Variants in DGKD observed in about 807,000 individuals in gnomAD.
DGKD encodes diacylglycerol kinase delta.
A neutral mutation model predicts 154.4 loss-of-function variants in DGKD; 68 were observed. The observed-to-expected ratio is 0.44, with a 90% confidence interval of 0.36 to 0.54. DGKD has a LOEUF of 0.54. DGKD is among the 20% of genes least tolerant of loss of function. DGKD has a pLI of 0.00. For synonymous variants in DGKD, 693 were observed against 638.0 expected, an observed-to-expected ratio of 1.09 and a Z score of -1.30; for missense variants, 1,343 against 1,593.6, an observed-to-expected ratio of 0.84 and a Z score of 2.68.
At chr2:233,442,042 G>A (rs2062911650) in intron 10 of DGKD, 47 bp downstream of exon 10, 1 of 1,512,286 alleles carries the variant, frequency 6.6e-7, no homozygotes, top group African/African-American at 1.4e-5. Flanking sequence ...AGGGTGCGGA[G>A]GTTAGAGGGA....
chr2:233,390,550 A>T (rs1463525767), intron 3 of DGKD, 67 bp downstream of exon 3: 2 of 1,205,732 alleles, frequency 1.7e-6, no homozygotes, highest in African/African-American at 1.5e-5. Flanking sequence ...TGATCTGAAC[A>T]TGTGTCCAAG....
chr2:233,445,485 T>G lies in DGKD; in HGVS notation c.1195-138T>G. The G allele has an allele frequency of 8.2e-7, 1 of 1,224,654 alleles. No individual in the cohort carries two copies. The highest frequency in any genetic ancestry group is 1.6e-5 in the African/African-American group (1 of 63,840). The allele number at this position is 1,224,654 out of a possible 1,614,324, so 75.9% of individuals were successfully genotyped here. A position where few individuals can be genotyped will look rare whatever the true frequency, so the allele number is the denominator to read the frequency against. On this transcript the variant is annotated intron_variant, in intron 10 of 29. Coordinates refer to ENST00000264057, the MANE Select transcript of DGKD (RefSeq NM_152879.3). The surrounding 1 kb of genome is among the most constrained non-coding windows in gnomAD (Gnocchi z 5.5). ...CCTCCAGTGGGCTCTGCCTGTAATG[T>G]GTAAGCTGCGTGGTTTTAGGTCACG...
At chr2:233,398,297 A>G (rs1252026762) in intron 3 of DGKD, among the ~76,000 whole-genome samples, 2 of 149,584 alleles carry the variant, frequency 1.3e-5, no homozygotes, top group African/African-American at 2.5e-5. Context: ...TGCCGCCACC[A>G]CGCCCGACTA....
intron 16 of DGKD, among the ~76,000 whole-genome samples, chr2:233,450,496 G>A (rs1300166804): frequency 6.6e-6 from 1 of 152,092 alleles, no homozygotes; most frequent in Non-Finnish European, 1.5e-5. Flanking sequence ...GTGAGCGTGG[G>A]CCTTCTTTGT....
chr2:233,356,455 T>A (rs1197747458), intron 1 of DGKD, among the ~76,000 whole-genome samples: 1 of 152,200 alleles, frequency 6.6e-6, no homozygotes, highest in African/African-American at 2.4e-5. Flanking sequence ...TAGGAGTTGC[T>A]TTCTCCTGTT....
In DGKD at chr2:233,456,962, C is replaced by T; in HGVS notation, c.2439C>T (p.Thr813=). 23 of 1,614,220 alleles carry T rather than the reference C, an allele frequency of 1.4e-5. No individual in the cohort carries two copies. The highest frequency in any genetic ancestry group is 1.9e-5 in the Non-Finnish European group (22 of 1,180,030). The change falls in exon 20 of 30, where the codon ACC becomes ACT. Residue 813 remains threonine, a synonymous_variant. Transcript: ENST00000264057. ...VLGTKELLHR[T]YKNLEQKVLL... ...GAACCAAAGAGTTGCTGCACAGAAC[C>T]TACAAGAACCTGGAGCAAAAGGTCT...
At chr2:233,362,801 C>T (rs188895784) in intron 1 of DGKD, among the ~76,000 whole-genome samples, 2 of 152,218 alleles carry the variant, frequency 1.3e-5, no homozygotes, top group South Asian at 2.1e-4. Flanking sequence ...ATGATGTTTC[C>T]GGATGATGAT....
chr2:233,403,646 CT>C (rs879441437), intron 3 of DGKD, among the ~76,000 whole-genome samples: 444 of 144,272 alleles, frequency 3.1e-3, no homozygotes, highest in Admixed American at 2.9e-3. Context: ...TCTCTTCAGA[CT>C]TTTTTTTTTT....
At chr2:233,388,509 C>A in intron 2 of DGKD, 142 bp downstream of exon 2, 1 of 709,486 alleles carries the variant, frequency 1.4e-6, no homozygotes, top group Non-Finnish European at 2.3e-6. Context: ...ACACTCCACG[C>A]TGTCAGGTTT....
intron 16 of DGKD, 84 bp from the exon 17 acceptor site, chr2:233,450,838 A>C (rs1575148387): frequency 6.6e-7 from 1 of 1,525,836 alleles, no homozygotes; most frequent in Non-Finnish European, 8.9e-7. Context: ...CAGCCCTCCC[A>C]CCTGCTCGTG....
chr2:233,470,337 CTT>C lies in DGKD; in HGVS notation c.*881_*882del, dbSNP rs1036868241. ...GGAAATGCTTCCTGGCTCTGGGAAA[CTT>C]TTTCTGCCCATTCTGTGGTTCCCAG... is the stretch of plus-strand genomic sequence containing the variant. On this transcript the variant is annotated 3_prime_UTR_variant, in exon 30 of 30. Transcript: ENST00000264057. 3.3e-5 allele frequency: 5 copies of C among 152,602 alleles called. No homozygotes were observed. Among genetic ancestry groups the C allele is most frequent in the African/African-American group, 4.8e-5 (2 of 41,590 alleles). The allele number at this position is 152,602 out of a possible 1,614,324, so 9.5% of individuals were successfully genotyped here.
chr2:233,450,358 C>T (rs556243454), intron 16 of DGKD, among the ~76,000 whole-genome samples: 1 of 152,268 alleles, frequency 6.6e-6, no homozygotes, highest in East Asian at 1.9e-4. Context: ...CCGCGAGACC[C>T]CCTCCATCAG....
At position 233,390,484 on chromosome 2, in the gene DGKD, G is replaced by A; in HGVS notation, c.348+1G>A. 1 of 1,612,990 alleles carries A rather than the reference G, an allele frequency of 6.2e-7. No homozygotes were observed. ...CAAAAACGTCAACAACAGTTTTACG[G>A]TAAGATTCCTCAGTCATGCCTTTCT... On this transcript the variant is annotated splice_donor_variant, in intron 3 of 29. Coordinates refer to ENST00000264057, the MANE Select transcript of DGKD (RefSeq NM_152879.3). LOFTEE classifies it high-confidence loss of function.
In DGKD at chr2:233,469,367, G is replaced by A. The variant is rs376302207; in HGVS notation, c.3556-4G>A. On this transcript the variant is annotated splice_polypyrimidine_tract_variant and splice_region_variant and intron_variant, in intron 29 of 29. Transcript: ENST00000264057. Reference sequence around the variant, plus strand: ...CATCCATGGCGGTGTCTTCTCTGTTGCAGGACCTGGGCGTGACCAAGGTGG... The same window carrying A: ...CATCCATGGCGGTGTCTTCTCTGTTACAGGACCTGGGCGTGACCAAGGTGG... 12 of 1,609,930 alleles carry A rather than the reference G, an allele frequency of 7.5e-6. No homozygotes were observed. The highest frequency in any genetic ancestry group is 8.5e-6 in the Non-Finnish European group (10 of 1,178,324).
chr2:233,359,743 A>G (rs1026544292), intron 1 of DGKD, among the ~76,000 whole-genome samples: 2 of 152,210 alleles, frequency 1.3e-5, no homozygotes, highest in Non-Finnish European at 2.9e-5. Context: ...AGATCTTAAC[A>G]TTGTTAACTG....
chr2:233,389,195 T>G (rs889395701), intron 2 of DGKD, among the ~76,000 whole-genome samples: 2 of 152,242 alleles, frequency 1.3e-5, no homozygotes, highest in Non-Finnish European at 2.9e-5. Flanking sequence ...TCTTGATGTG[T>G]GAACAGAAAT....
intron 23 of DGKD, 148 bp downstream of exon 23, chr2:233,460,039 A>G: frequency 1.4e-6 from 2 of 1,448,614 alleles, no homozygotes; most frequent in Admixed American, 5.7e-5. Context: ...TAGGGCAGTA[A>G]TTTCTAGGAC....
chr2:233,426,676 G>C lies in DGKD; in HGVS notation c.349-7704G>C, dbSNP rs115562463. Among the ~76,000 whole-genome samples the C allele has an allele frequency of 1.0e-2, 1,521 of 152,278 alleles. 31 individuals carry two copies. Among genetic ancestry groups the C allele is most frequent in the African/African-American group, 0.034 (1,429 of 41,550 alleles). ...ACTACAGTGTATTCACTGTAGGCCTGTTTAGAGTAGTGATGCTATGAACAT... is the reference window on the plus strand; with the variant it reads ...ACTACAGTGTATTCACTGTAGGCCTCTTTAGAGTAGTGATGCTATGAACAT... On this transcript the variant is annotated intron_variant, in intron 3 of 29. Coordinates refer to ENST00000264057, the MANE Select transcript of DGKD (RefSeq NM_152879.3).
At chr2:233,426,182 T>A (rs1166742987) in intron 3 of DGKD, among the ~76,000 whole-genome samples, 1 of 152,248 alleles carries the variant, frequency 6.6e-6, no homozygotes, top group Non-Finnish European at 1.5e-5. Flanking sequence ...GACTCTCATA[T>A]TCATGCTTCA....
Sources: allele counts gnomAD v4.1 joint callset (sites outside exome capture counted in the v4.1 genomes callset), GRCh38; gene constraint gnomAD v4.1.1; non-coding constraint Gnocchi (gnomAD v3.1); transcripts MANE v1.5; gene names NCBI Gene and HGNC (gene_info 2026-07-23, HGNC 2026-07-21).